The following TMX2 variants were observed in gnomAD, a reference collection of about 807,000 sequenced individuals.
The protein encoded by TMX2 is thioredoxin related transmembrane protein 2.
In TMX2, 20 loss-of-function variants were observed where a neutral mutation model predicts 33.4. That is an observed-to-expected ratio of 0.60 (90% CI 0.42 to 0.87). The LOEUF (loss-of-function observed/expected upper bound fraction) is 0.87, where lower values mean the gene tolerates loss of function less well. Among genes scored for constraint, TMX2 ranks in the 40% least tolerant of loss-of-function variants. TMX2 has a pLI of 0.00. For synonymous variants in TMX2, 166 were observed against 140.7 expected, an observed-to-expected ratio of 1.18 and a Z score of -1.27; for missense variants, 340 against 370.7, an observed-to-expected ratio of 0.92 and a Z score of 0.68.
chr11:57,716,830 G>T (rs1373134237), intron 1 of TMX2, among the ~76,000 whole-genome samples: 1 of 148,622 alleles, frequency 6.7e-6, no homozygotes, highest in Non-Finnish European at 1.5e-5. Flanking sequence ...GCGGCTGGCC[G>T]GGCGGGGGGC....
intron 1 of TMX2, among the ~76,000 whole-genome samples, chr11:57,719,033 A>ATTTTTTT (rs1191976911): frequency 1.4e-5 from 1 of 70,638 alleles, no homozygotes; most frequent in African/African-American, 5.3e-5. Flanking sequence ...ATATATATAT[A>ATTTTTTT]TTTTTTTTTT....
intron 7 of TMX2, 38 bp from the exon 8 acceptor site, chr11:57,740,061 C>T (rs374269347): frequency 8.7e-6 from 14 of 1,613,278 alleles, no homozygotes; most frequent in Non-Finnish European, 1.2e-5. Context: ...ACTCTCCCTT[C>T]CAACCCAGAT....
intron 1 of TMX2, among the ~76,000 whole-genome samples, chr11:57,721,848 G>A (rs936943290): frequency 6.6e-6 from 1 of 152,082 alleles, no homozygotes; most frequent in Non-Finnish European, 1.5e-5. Context: ...CCACCAATAC[G>A]TGGGGGGCTG....
chr11:57,738,786 G>C lies in TMX2; in HGVS notation c.548+16G>C, dbSNP rs779796830. The C allele has an allele frequency of 6.2e-7, 1 of 1,604,414 alleles. No individual in the cohort carries two copies. The highest frequency in any genetic ancestry group is 1.7e-5 in the Admixed American group (1 of 59,992). ...TCTCCCTTAAGTGAGTAGTGCAAAG[G>C]GAGGGATGGTGGAAATGGAGATGCT... On this transcript the variant is annotated intron_variant, in intron 5 of 7. Transcript: ENST00000278422.
At chr11:57,714,221 C>T (rs1354084274) in intron 1 of TMX2, among the ~76,000 whole-genome samples, 1 of 152,140 alleles carries the variant, frequency 6.6e-6, no homozygotes, top group African/African-American at 2.4e-5. Context: ...CAAAGGATCC[C>T]ATTAAACCAG....
chr11:57,738,448 T>G lies in TMX2; in HGVS notation c.441+18T>G, dbSNP rs763166568. On this transcript the variant is annotated intron_variant, in intron 4 of 7. Transcript: ENST00000278422. ...CCATTGATGTGAGTGCTCTTTCCCC[T>G]TTCTGTTTCTTGGGTCCCTTGTGGG... is the stretch of plus-strand genomic sequence containing the variant. 1 of 1,579,238 alleles carries G rather than the reference T, an allele frequency of 6.3e-7. No homozygotes were observed. The highest frequency in any genetic ancestry group is 8.7e-7 in the Non-Finnish European group (1 of 1,148,952).
At position 57,739,304 on chromosome 11, in the gene TMX2, A is replaced by C. The variant is rs1379687845; in HGVS notation, c.744+44A>C. 1.3e-5 allele frequency: 21 copies of C among 1,609,794 alleles called. No individual in the cohort carries two copies. The Admixed American group carries it at 2.3e-4, about 18-fold the overall frequency. ...AGGTGCATGAAGGGTGCAGAACAGT[A>C]GGTGGGCTTTCAAGCCCTACCCGGG... On this transcript the variant is annotated intron_variant, in intron 7 of 7. Transcript: ENST00000278422.
At chr11:57,733,024 A>C (rs1023860045) in intron 1 of TMX2, among the ~76,000 whole-genome samples, 1 of 152,218 alleles carries the variant, frequency 6.6e-6, no homozygotes, top group Non-Finnish European at 1.5e-5. Context: ...GCAGTTTAAC[A>C]CAATGGTAAG....
intron 1 of TMX2, among the ~76,000 whole-genome samples, chr11:57,734,206 C>CT (rs1555021538): frequency 7.1e-6 from 1 of 140,618 alleles, no homozygotes; most frequent in Non-Finnish European, 1.5e-5. Context: ...AGGGCACACA[C>CT]TTTCTTAACT....
intron 1 of TMX2, among the ~76,000 whole-genome samples, chr11:57,734,963 A>G (rs918630560): frequency 2.7e-5 from 4 of 149,968 alleles, no homozygotes; most frequent in Non-Finnish European, 5.9e-5. Context: ...GTGAAACCCC[A>G]TCTCTACTAA....
chr11:57,717,973 G>T, intron 1 of TMX2: 1 of 741,448 alleles, frequency 1.3e-6, no homozygotes. Context: ...GGGGTAGAGG[G>T]GTGCTCTCCT....
At chr11:57,716,480 C>T (rs867670657) in intron 1 of TMX2, among the ~76,000 whole-genome samples, 3,155 of 121,002 alleles carry the variant, frequency 0.026, 94 homozygotes, top group African/African-American at 0.1. Flanking sequence ...GGCGGCTGGC[C>T]GGGCTGAGGG....
At chr11:57,722,142 C>T (rs1396070361) in intron 1 of TMX2, among the ~76,000 whole-genome samples, 2 of 152,016 alleles carry the variant, frequency 1.3e-5, no homozygotes, top group African/African-American at 2.4e-5. Context: ...AGTACAGGCA[C>T]GTGCCAACAT....
At chr11:57,719,193 G>A (rs1264572232) in intron 1 of TMX2, among the ~76,000 whole-genome samples, 8 of 150,660 alleles carry the variant, frequency 5.3e-5, no homozygotes, top group Non-Finnish European at 7.4e-5. Context: ...ACGCCACCAC[G>A]CCCGGCTAAT....
At chr11:57,738,505 G>A in intron 4 of TMX2, 75 bp downstream of exon 4, 2 of 1,306,722 alleles carry the variant, frequency 1.5e-6, no homozygotes, top group East Asian at 4.6e-5. Flanking sequence ...CATTCACTAG[G>A]AGGAACAACA....
chr11:57,735,655 A>G (rs1350783535), intron 1 of TMX2, among the ~76,000 whole-genome samples: 1 of 152,196 alleles, frequency 6.6e-6, no homozygotes, highest in East Asian at 1.9e-4. Flanking sequence ...AGGGTGGCCA[A>G]ATATACATAT....
chr11:57,733,998 G>A (rs995860759), intron 1 of TMX2, among the ~76,000 whole-genome samples: 3 of 151,574 alleles, frequency 2.0e-5, no homozygotes, highest in Non-Finnish European at 4.4e-5. Context: ...ATAGAAACCC[G>A]GTCTCTACTA....
At chr11:57,714,615 A>G (rs1008821314) in intron 1 of TMX2, among the ~76,000 whole-genome samples, 8 of 151,738 alleles carry the variant, frequency 5.3e-5, no homozygotes, top group Non-Finnish European at 8.8e-5. Context: ...TTTTTTTGAG[A>G]CAAGGTCTTG....
intron 1 of TMX2, among the ~76,000 whole-genome samples, chr11:57,723,860 A>G (rs1200295176): frequency 2.7e-5 from 4 of 147,440 alleles, no homozygotes. Context: ...TTTATAATGA[A>G]GAAAATTATA....
Sources: allele counts gnomAD v4.1 joint callset (sites outside exome capture counted in the v4.1 genomes callset), GRCh38; gene constraint gnomAD v4.1.1; transcripts MANE v1.5; gene names NCBI Gene and HGNC (gene_info 2026-07-23, HGNC 2026-07-21).